ICA1: variants seen among roughly 807,000 people sequenced by gnomAD.
The protein encoded by ICA1 is 69 kDa islet cell autoantigen.
Under a neutral mutation model 71.0 loss-of-function variants are expected in ICA1, and 40 were observed. The ratio of observed to expected loss-of-function variants is 0.56; its 90% CI spans 0.44 to 0.73. The LOEUF is 0.73. Among genes scored for constraint, ICA1 ranks in the 30% least tolerant of loss-of-function variants. ICA1 has a pLI of 0.00. For synonymous variants in ICA1, 207 were observed against 209.5 expected (o/e 0.99, Z 0.10); for missense variants, 578 against 576.5 (o/e 1.00, Z -0.03).
At position 8,130,030 on chromosome 7, in the gene ICA1, G is replaced by A. The variant is rs1044183216; in HGVS notation, c.1061-1888C>T. ...TCATCCATGTCCCTACAAAGGACAT[G>A]AACTCATCCTTTTTTATGGCTGCAT... is the stretch of plus-strand genomic sequence containing the variant. On this transcript the variant is annotated intron_variant, in intron 12 of 13. Coordinates refer to ENST00000402384, the MANE Select transcript of ICA1 (RefSeq NM_001136020.3). The surrounding 1 kb of genome is among the most constrained non-coding windows in gnomAD (Gnocchi z 4.2). Among the ~76,000 whole-genome samples, 20 of 152,044 alleles carry A rather than the reference G, an allele frequency of 1.3e-4. No homozygotes were observed. Among genetic ancestry groups the A allele is most frequent in the Admixed American group, 3.9e-4 (6 of 15,278 alleles).
intron 4 of ICA1, 53 bp downstream of exon 4, chr7:8,228,548 T>G (rs1290083058): frequency 1.8e-6 from 2 of 1,121,802 alleles, no homozygotes; most frequent in Non-Finnish European, 2.6e-6. Context: ...CAAGACAAAA[T>G]ACCCTGCTAT....
chr7:8,187,259 A>G (rs567336078), intron 6 of ICA1, among the ~76,000 whole-genome samples: 1 of 152,344 alleles, frequency 6.6e-6, no homozygotes, highest in East Asian at 1.9e-4. Flanking sequence ...GAGATGGCCT[A>G]TTTCTCTTAG....
intron 12 of ICA1, among the ~76,000 whole-genome samples, chr7:8,131,114 C>G (rs1265374758): frequency 2.0e-5 from 3 of 152,200 alleles, no homozygotes; most frequent in African/African-American, 7.2e-5. Flanking sequence ...AAGAGGGCCT[C>G]TCTTTCTTTG....
rs565434649 is a variant in ICA1 at position 8,261,456 on chromosome 7, T to A, written c.-80+638A>T. ...CCAAAGGAAACGGGCGCGCCAGGGT[T>A]TGCTGGAACCGGGGTTGCTTAGGGG... On this transcript the variant is annotated intron_variant, in intron 1 of 13. Coordinates refer to ENST00000402384, the MANE Select transcript of ICA1 (RefSeq NM_001136020.3). Among the ~76,000 whole-genome samples the A allele has an allele frequency of 2.3e-3, 352 of 152,240 alleles. 1 individual carries two copies. The highest frequency in any genetic ancestry group is 8.2e-3 in the African/African-American group (341 of 41,558).
chr7:8,176,263 C>T (rs1361545989), intron 6 of ICA1, among the ~76,000 whole-genome samples: 1 of 152,234 alleles, frequency 6.6e-6, no homozygotes, highest in Non-Finnish European at 1.5e-5. Context: ...CCAATCCCAT[C>T]CACGTGCTTC....
At chr7:8,162,621 C>A (rs113418579) in intron 6 of ICA1, among the ~76,000 whole-genome samples, 13 of 152,258 alleles carry the variant, frequency 8.5e-5, no homozygotes, top group Admixed American at 6.5e-5. Context: ...AAGTTATATT[C>A]TATTACATAA....
rs547854086 is a variant in ICA1 at position 8,146,552 on chromosome 7, T to A, written c.805-2580A>T. 5.3e-5 allele frequency among the ~76,000 whole-genome samples: 8 copies of A among 152,138 alleles called. No individual in the cohort carries two copies. In the South Asian group the frequency reaches 1.7e-3, roughly 32 times the overall value. The stretch of plus-strand genomic sequence containing the variant: ...TCTTTTGCTCTGTCTCCCTAATGCA[T>A]GACAACTAAATGCAATACACGATCC... On this transcript the variant is annotated intron_variant, in intron 8 of 13. Coordinates refer to ENST00000402384, the MANE Select transcript of ICA1 (RefSeq NM_001136020.3).
intron 6 of ICA1, among the ~76,000 whole-genome samples, chr7:8,194,981 A>T (rs1168273811): frequency 6.6e-6 from 1 of 152,246 alleles, no homozygotes; most frequent in Non-Finnish European, 1.5e-5. Flanking sequence ...CATGTATGAT[A>T]AAGGACATGC....
chr7:8,195,498 T>C (rs1787157136), intron 6 of ICA1, among the ~76,000 whole-genome samples: 2 of 151,932 alleles, frequency 1.3e-5, no homozygotes. Context: ...GCCAAGATCA[T>C]ACCACTGCAT....
intron 1 of ICA1, among the ~76,000 whole-genome samples, chr7:8,260,634 A>AT (rs1229444258): frequency 1.3e-5 from 2 of 152,264 alleles, no homozygotes; most frequent in African/African-American, 2.4e-5. Context: ...TATGTACAGT[A>AT]TTAGTATAAA....
At chr7:8,120,119 C>T (rs990165180) in intron 13 of ICA1, among the ~76,000 whole-genome samples, 20 of 152,112 alleles carry the variant, frequency 1.3e-4, no homozygotes, top group African/African-American at 4.1e-4. Flanking sequence ...GCTAAGATGA[C>T]GGGAACAGTA....
chr7:8,162,594 T>C (rs1804282128), intron 6 of ICA1, among the ~76,000 whole-genome samples: 1 of 152,192 alleles, frequency 6.6e-6, no homozygotes, highest in East Asian at 1.9e-4. Flanking sequence ...TGATTATTAT[T>C]CCTCTCAACC....
At chr7:8,117,369 G>A (rs960947329) in intron 13 of ICA1, among the ~76,000 whole-genome samples, 1 of 152,142 alleles carries the variant, frequency 6.6e-6, no homozygotes, top group African/African-American at 2.4e-5. Context: ...GAGGCATTCA[G>A]CACTCCTGTT....
intron 6 of ICA1, among the ~76,000 whole-genome samples, chr7:8,177,115 TTTTAA>T (rs1273733844): frequency 2.6e-5 from 4 of 152,234 alleles, no homozygotes; most frequent in Admixed American, 6.5e-5. Context: ...TGGCTTCTTA[TTTTAA>T]AATACAAACT....
intron 13 of ICA1, among the ~76,000 whole-genome samples, chr7:8,122,886 A>G (rs1040655928): frequency 1.3e-5 from 2 of 152,196 alleles, no homozygotes; most frequent in African/African-American, 4.8e-5. Flanking sequence ...GTCCTGATGC[A>G]TTTATTTGAG....
intron 6 of ICA1, among the ~76,000 whole-genome samples, chr7:8,161,731 G>A (rs1803905635): frequency 6.6e-6 from 1 of 152,050 alleles, no homozygotes; most frequent in South Asian, 2.1e-4. Flanking sequence ...ATATGTGAGG[G>A]AGCCCAGCCA....
intron 8 of ICA1, among the ~76,000 whole-genome samples, chr7:8,152,320 C>A (rs1475711912): frequency 6.6e-6 from 1 of 151,944 alleles, no homozygotes; most frequent in Non-Finnish European, 1.5e-5. Flanking sequence ...AACCTAGAAA[C>A]CCCAACAAAC....
At chr7:8,259,758 T>C (rs912299513) in intron 1 of ICA1, among the ~76,000 whole-genome samples, 13 of 152,176 alleles carry the variant, frequency 8.5e-5, no homozygotes, top group African/African-American at 3.1e-4. Flanking sequence ...CCAAAGCCCA[T>C]GAGTCCTCCA....
At chr7:8,245,033 C>T (rs1488556348) in intron 1 of ICA1, among the ~76,000 whole-genome samples, 1 of 152,062 alleles carries the variant, frequency 6.6e-6, no homozygotes. Context: ...CTAGAAATAC[C>T]ATTTGACCCA....
Sources: allele counts gnomAD v4.1 joint callset (sites outside exome capture counted in the v4.1 genomes callset), GRCh38; gene constraint gnomAD v4.1.1; non-coding constraint Gnocchi (gnomAD v3.1); transcripts MANE v1.5; gene names NCBI Gene and HGNC (gene_info 2026-07-23, HGNC 2026-07-21).